Variants in TNNI3K observed in about 807,000 individuals in gnomAD.
TNNI3K encodes the protein TNNI3 interacting kinase.
A neutral mutation model predicts 114.5 loss-of-function variants in TNNI3K; 140 were observed. The observed-to-expected ratio is 1.22, with a 90% CI of 1.07 to 1.41. The LOEUF (loss-of-function observed/expected upper bound fraction) is 1.41. Among genes scored for constraint, TNNI3K ranks in the 40% most tolerant of loss-of-function variants. The probability of loss-of-function intolerance (pLI) is 0.00; values close to 1 mark genes in which losing one functional copy is unlikely to be tolerated. For missense variants in TNNI3K, 1,125 were observed against 1,007.6 expected (o/e 1.12, Z -1.58); for synonymous variants, 347 against 347.5 (o/e 1.00, Z 0.02).
intron 22 of TNNI3K, 58 bp downstream of exon 22, chr1:74,489,306 T>A (rs932557620): frequency 6.4e-7 from 1 of 1,559,988 alleles, no homozygotes; most frequent in African/African-American, 1.4e-5. Flanking sequence ...TCCAAGGCTG[T>A]CAGGGAATGT....
chr1:74,368,053 C>A, intron 13 of TNNI3K, 89 bp downstream of exon 13: 2 of 1,215,872 alleles, frequency 1.6e-6, no homozygotes, highest in Non-Finnish European at 2.2e-6. Flanking sequence ...TTACATATTA[C>A]AAATGATGAC....
At chr1:74,402,194 A>G (rs976346788) in intron 17 of TNNI3K, among the ~76,000 whole-genome samples, 43 of 152,124 alleles carry the variant, frequency 2.8e-4, no homozygotes, top group Non-Finnish European at 1.5e-5. Flanking sequence ...TAATTATGTG[A>G]CTTTTGAAAA....
At chr1:74,252,658 T>C (rs774314899) in intron 4 of TNNI3K, among the ~76,000 whole-genome samples, 1 of 151,834 alleles carries the variant, frequency 6.6e-6, no homozygotes, top group Non-Finnish European at 1.5e-5. Context: ...TCGCTGGCTA[T>C]GGAGTGAAGC....
At chr1:74,455,632 T>C (rs569637061) in intron 20 of TNNI3K, among the ~76,000 whole-genome samples, 18 of 152,288 alleles carry the variant, frequency 1.2e-4, no homozygotes, top group African/African-American at 4.3e-4. Flanking sequence ...CAGTGTGAGT[T>C]CAAAGTCCTG....
intron 2 of TNNI3K, among the ~76,000 whole-genome samples, chr1:74,247,901 C>T (rs545432256): frequency 2.2e-4 from 34 of 152,282 alleles, no homozygotes; most frequent in African/African-American, 7.9e-4. Flanking sequence ...TGCGTGCCTG[C>T]ACTCCTCAGC....
chr1:74,544,102 T>C lies in TNNI3K; in HGVS notation c.*120T>C. On this transcript the variant is annotated 3_prime_UTR_variant, in exon 25 of 25. Transcript: ENST00000326637. ...TCTCAAAGGTCTCCTTAAATTGGGC[T>C]TGTTTTTACTTGTCCTATTTAATTC... 1.9e-6 allele frequency: 2 copies of C among 1,041,344 alleles called. No individual in the cohort carries two copies. Among genetic ancestry groups the C allele is most frequent in the Non-Finnish European group, 2.7e-6 (2 of 739,154 alleles). 64.5% of individuals were successfully genotyped at this position (1,041,344 alleles called of 1,614,324 possible).
chr1:74,370,468 ATT>A, intron 17 of TNNI3K, 76 bp downstream of exon 17: 1 of 1,336,306 alleles, frequency 7.5e-7, no homozygotes, highest in Non-Finnish European at 1.0e-6. Flanking sequence ...GTGAAGATAC[ATT>A]TTAGACTTAT....
Position 74,439,472 on chromosome 1 carries a change from A to G in TNNI3K, c.1879-18A>G. The G allele has an allele frequency of 6.2e-7, 1 of 1,607,422 alleles. No homozygotes were observed. The highest frequency in any genetic ancestry group is 8.5e-7 in the Non-Finnish European group (1 of 1,176,576). ...CAAACACTTGGTAAATGGCTTGTGG[A>G]TGTTTCTTGATGTGCAGAACCTCCG... On this transcript the variant is annotated intron_variant, in intron 19 of 24. Coordinates refer to ENST00000326637, the MANE Select transcript of TNNI3K (RefSeq NM_015978.3).
intron 11 of TNNI3K, among the ~76,000 whole-genome samples, chr1:74,362,676 T>C (rs1662032292): frequency 6.6e-6 from 1 of 152,136 alleles, no homozygotes; most frequent in African/African-American, 2.4e-5. Context: ...TAACAGTCTC[T>C]TGGATTGACT....
chr1:74,412,541 C>G (rs1664932041), intron 17 of TNNI3K, among the ~76,000 whole-genome samples: 1 of 152,134 alleles, frequency 6.6e-6, no homozygotes, highest in Non-Finnish European at 1.5e-5. Flanking sequence ...TTTAAGATAC[C>G]TATTAAATAT....
At chr1:74,359,655 G>A (rs539043518) in intron 11 of TNNI3K, among the ~76,000 whole-genome samples, 3 of 151,974 alleles carry the variant, frequency 2.0e-5, no homozygotes, top group Non-Finnish European at 4.4e-5. Flanking sequence ...TTATTCTAAT[G>A]TGCGTAGTTG....
intron 17 of TNNI3K, among the ~76,000 whole-genome samples, chr1:74,384,219 A>G (rs1663358084): frequency 6.6e-6 from 1 of 152,120 alleles, no homozygotes; most frequent in South Asian, 2.1e-4. Flanking sequence ...TGTGAAAGTC[A>G]TTCTTTTGCT....
intron 9 of TNNI3K, among the ~76,000 whole-genome samples, chr1:74,349,412 G>A (rs1184896102): frequency 6.6e-6 from 1 of 152,088 alleles, no homozygotes; most frequent in Non-Finnish European, 1.5e-5. Flanking sequence ...TGTTCATCAA[G>A]GATATTCGTC....
chr1:74,466,985 C>T (rs1375657670), intron 21 of TNNI3K, among the ~76,000 whole-genome samples: 1 of 152,112 alleles, frequency 6.6e-6, no homozygotes, highest in Non-Finnish European at 1.5e-5. Context: ...AGACAAAACT[C>T]TGTGAGACTA....
chr1:74,540,249 C>T lies in TNNI3K; in HGVS notation c.2367C>T (p.Ser789=), dbSNP rs199956014. The change falls in exon 24 of 25, where the codon TCC becomes TCT. Residue 789 remains serine, a synonymous_variant. Coordinates refer to ENST00000326637, the MANE Select transcript of TNNI3K (RefSeq NM_015978.3). ...AALSQSAGQY[S]SQGLSLEEMK... ...AATTTTCCAGTGCTGGACAATATTC[C>T]TCTCAAGGTCTGTCTTTGGAGGAGA... is the stretch of plus-strand genomic sequence containing the variant. 1.2e-6 allele frequency: 2 copies of T among 1,612,044 alleles called. No homozygotes were observed. The highest frequency in any genetic ancestry group is 1.3e-5 in the African/African-American group (1 of 74,798).
At chr1:74,516,552 C>A (rs1009172297) in intron 23 of TNNI3K, among the ~76,000 whole-genome samples, 2 of 151,750 alleles carry the variant, frequency 1.3e-5, no homozygotes, top group African/African-American at 4.8e-5. Context: ...AGGCAGGGAG[C>A]AATAGAGGAT....
At chr1:74,406,626 C>A (rs1379475502) in intron 17 of TNNI3K, among the ~76,000 whole-genome samples, 1 of 152,186 alleles carries the variant, frequency 6.6e-6, no homozygotes, top group Non-Finnish European at 1.5e-5. Context: ...TCACAATAAT[C>A]TCCTTATTTT....
At chr1:74,492,365 C>T in intron 23 of TNNI3K, 99 bp downstream of exon 23, 2 of 1,315,242 alleles carry the variant, frequency 1.5e-6, no homozygotes, top group Non-Finnish European at 2.0e-6. Flanking sequence ...GTTTGATTAC[C>T]CCCTGAAAAA....
chr1:74,277,732 AT>A (rs142431865), intron 5 of TNNI3K, among the ~76,000 whole-genome samples: 2 of 152,334 alleles, frequency 1.3e-5, no homozygotes, highest in Non-Finnish European at 2.9e-5. Context: ...ACAGAAAGGC[AT>A]GCAGCAAACA....
Sources: allele counts gnomAD v4.1 joint callset (sites outside exome capture counted in the v4.1 genomes callset), GRCh38; gene constraint gnomAD v4.1.1; transcripts MANE v1.5; gene names NCBI Gene and HGNC (gene_info 2026-07-23, HGNC 2026-07-21).